The following ASAP1 variants were observed in gnomAD, a reference collection of about 807,000 sequenced individuals.
ASAP1 encodes ArfGAP with SH3 domain, ankyrin repeat and PH domain 1.
Under a neutral mutation model 145.2 loss-of-function variants are expected in ASAP1, and 43 were observed. That is an observed-to-expected ratio of 0.30 (90% CI 0.23 to 0.38). The LOEUF is 0.38. Ranked by LOEUF, ASAP1 falls within the 10% of genes least tolerant of loss-of-function variation. ASAP1 has a pLI of 1.00. For missense variants in ASAP1, 1,018 were observed against 1,355.3 expected (o/e 0.75, Z 3.91); for synonymous variants, 546 against 515.5 (o/e 1.06, Z -0.80).
intron 8 of ASAP1, among the ~76,000 whole-genome samples, chr8:130,179,568 C>T (rs1814204568): frequency 6.6e-6 from 1 of 152,094 alleles, no homozygotes; most frequent in African/African-American, 2.4e-5. Flanking sequence ...TTAGTTTACT[C>T]GACAAGCAGA....
chr8:130,284,339 T>C (rs1821458777), intron 3 of ASAP1, among the ~76,000 whole-genome samples: 2 of 152,108 alleles, frequency 1.3e-5, no homozygotes, highest in South Asian at 2.1e-4. Context: ...CGATAAATTG[T>C]ATATATAAAT....
intron 27 of ASAP1, among the ~76,000 whole-genome samples, chr8:130,070,643 T>C (rs2097441127): frequency 6.6e-6 from 1 of 151,714 alleles, no homozygotes; most frequent in Admixed American, 6.6e-5. Flanking sequence ...TGCTATGAAA[T>C]GTTAGTTGAA....
intron 24 of ASAP1, among the ~76,000 whole-genome samples, chr8:130,095,030 C>T (rs2097514287): frequency 6.6e-6 from 1 of 152,170 alleles, no homozygotes; most frequent in Non-Finnish European, 1.5e-5. Context: ...CATCCTGTAA[C>T]CATAAACCAT....
At chr8:130,441,485 C>A (rs1215356763) in intron 1 of ASAP1, among the ~76,000 whole-genome samples, 1 of 152,168 alleles carries the variant, frequency 6.6e-6, no homozygotes, top group Non-Finnish European at 1.5e-5. Flanking sequence ...AAAATGAGAA[C>A]CGAGCAGCAG....
intron 1 of ASAP1, among the ~76,000 whole-genome samples, chr8:130,437,870 A>C (rs1192945113): frequency 6.6e-6 from 1 of 152,150 alleles, no homozygotes; most frequent in Non-Finnish European, 1.5e-5. Flanking sequence ...TTTATCCCAA[A>C]CCAGGCTCCA....
intron 12 of ASAP1, among the ~76,000 whole-genome samples, chr8:130,154,205 C>T (rs2097653393): frequency 6.6e-6 from 1 of 152,016 alleles, no homozygotes; most frequent in Non-Finnish European, 1.5e-5. Context: ...AGAATGGTGC[C>T]TCAGAGCCCC....
At chr8:130,225,788 T>C (rs1817554670) in intron 4 of ASAP1, among the ~76,000 whole-genome samples, 1 of 152,180 alleles carries the variant, frequency 6.6e-6, no homozygotes, top group African/African-American at 2.4e-5. Flanking sequence ...GAAGTCAGTG[T>C]TTGCTTAGGT....
At chr8:130,159,635 C>T (rs189685478) in intron 12 of ASAP1, among the ~76,000 whole-genome samples, 159 of 151,572 alleles carry the variant, frequency 1.0e-3, no homozygotes, top group Non-Finnish European at 2.1e-3. Flanking sequence ...TAGCTGCCTT[C>T]CTATAATTGC....
chr8:130,276,128 C>A (rs76216356), intron 3 of ASAP1, among the ~76,000 whole-genome samples: 2 of 152,130 alleles, frequency 1.3e-5, no homozygotes, highest in Admixed American at 6.5e-5. Flanking sequence ...AAGAACCCTG[C>A]GGGCCTGACC....
intron 3 of ASAP1, among the ~76,000 whole-genome samples, chr8:130,284,383 A>G (rs1189240839): frequency 6.6e-6 from 1 of 152,220 alleles, no homozygotes; most frequent in Non-Finnish European, 1.5e-5. Context: ...TTTAGCCACA[A>G]AGTATGAGGT....
rs201851522 is a variant in ASAP1 at position 130,057,946 on chromosome 8, G to A, written c.3315+8C>T. Reference sequence around the variant, plus strand: ...GTACGGATGAAGTGGATGGATATTCGTACGTACCCACCACTCCTGGTCCTC... The same window carrying A: ...GTACGGATGAAGTGGATGGATATTCATACGTACCCACCACTCCTGGTCCTC... On this transcript the variant is annotated splice_region_variant and intron_variant, in intron 29 of 29. Transcript: ENST00000518721. 9 of 1,613,970 alleles carry A rather than the reference G, an allele frequency of 5.6e-6. No individual in the cohort carries two copies. The highest frequency in any genetic ancestry group is 1.6e-4 in the Middle Eastern group (1 of 6,062).
intron 3 of ASAP1, among the ~76,000 whole-genome samples, chr8:130,327,762 G>A (rs1824430739): frequency 6.6e-6 from 1 of 152,086 alleles, no homozygotes; most frequent in Non-Finnish European, 1.5e-5. Context: ...AGGAAAATGA[G>A]GAGTGACTCT....
intron 12 of ASAP1, among the ~76,000 whole-genome samples, chr8:130,156,537 G>A (rs994080717): frequency 3.3e-5 from 5 of 152,216 alleles, no homozygotes; most frequent in Non-Finnish European, 5.9e-5. Context: ...TGTGTGGAAT[G>A]AGTACATGAA....
chr8:130,176,875 A>C (rs1421813630), intron 9 of ASAP1, among the ~76,000 whole-genome samples: 1 of 152,076 alleles, frequency 6.6e-6, no homozygotes, highest in Non-Finnish European at 1.5e-5. Context: ...CTTTTAGTAG[A>C]AACGGGGTTT....
At chr8:130,441,330 C>T (rs1830481294) in intron 1 of ASAP1, among the ~76,000 whole-genome samples, 1 of 152,208 alleles carries the variant, frequency 6.6e-6, no homozygotes, top group Non-Finnish European at 1.5e-5. Context: ...TAGGAGGTAA[C>T]ATGTCTAGGG....
chr8:130,388,262 T>C (rs1157683624), intron 2 of ASAP1, among the ~76,000 whole-genome samples: 1 of 152,074 alleles, frequency 6.6e-6, no homozygotes, highest in Non-Finnish European at 1.5e-5. Flanking sequence ...GGTACAGAGA[T>C]AGGCAGGGGC....
intron 3 of ASAP1, among the ~76,000 whole-genome samples, chr8:130,279,431 G>C (rs564918774): frequency 2.0e-5 from 3 of 152,326 alleles, no homozygotes; most frequent in East Asian, 3.9e-4. Flanking sequence ...GTTAATGGCA[G>C]ATGTTAGAAA....
intron 24 of ASAP1, among the ~76,000 whole-genome samples, chr8:130,110,264 A>AT (rs1217557088): frequency 6.6e-6 from 1 of 152,132 alleles, no homozygotes; most frequent in Non-Finnish European, 1.5e-5. Context: ...CCTATAAACC[A>AT]TTTTCAGGAC....
chr8:130,317,343 G>A (rs893756083), intron 3 of ASAP1, among the ~76,000 whole-genome samples: 2 of 152,184 alleles, frequency 1.3e-5, no homozygotes, highest in Non-Finnish European at 2.9e-5. Flanking sequence ...TTGGGCAAGA[G>A]AGAATGACCC....
Sources: allele counts gnomAD v4.1 joint callset (sites outside exome capture counted in the v4.1 genomes callset), GRCh38; gene constraint gnomAD v4.1.1; transcripts MANE v1.5; gene names NCBI Gene and HGNC (gene_info 2026-07-23, HGNC 2026-07-21).